DESI1: variants seen among roughly 807,000 people sequenced by gnomAD.
DESI1 encodes the protein PPPDE peptidase domain containing 2.
In DESI1, 17 loss-of-function variants were observed where a neutral mutation model predicts 22.4. The observed-to-expected ratio is 0.76, with a 90% confidence interval of 0.52 to 1.14. The LOEUF (loss-of-function observed/expected upper bound fraction) is 1.14. Among genes scored for constraint, DESI1 ranks in the 50% most tolerant of loss-of-function variants. The pLI is 0.00. For missense variants in DESI1, 177 were observed against 208.9 expected (o/e 0.85, Z 0.94); for synonymous variants, 92 against 84.2 (o/e 1.09, Z -0.51).
chr22:41,612,890 C>G (rs1181301952), intron 1 of DESI1, among the ~76,000 whole-genome samples: 1 of 151,756 alleles, frequency 6.6e-6, no homozygotes, highest in Non-Finnish European at 1.5e-5. Context: ...TTAAAGGAGG[C>G]AAGGGAAAGA....
chr22:41,611,737 C>T (rs911896043), intron 1 of DESI1, among the ~76,000 whole-genome samples: 6 of 151,586 alleles, frequency 4.0e-5, no homozygotes, highest in Non-Finnish European at 8.8e-5. Flanking sequence ...GGACTACAGG[C>T]GCTCACCACC....
intron 4 of DESI1, 142 bp downstream of exon 4, chr22:41,603,902 T>G (rs2067463553): frequency 4.5e-6 from 3 of 670,208 alleles, no homozygotes. Context: ...ATAACTGCCT[T>G]TTCTTCATGT....
At chr22:41,608,317 A>T (rs1476569621) in intron 1 of DESI1, among the ~76,000 whole-genome samples, 2 of 152,204 alleles carry the variant, frequency 1.3e-5, no homozygotes. Flanking sequence ...TATGTGCCAG[A>T]AACAATGTTA....
At chr22:41,612,402 G>A (rs748303085) in intron 1 of DESI1, among the ~76,000 whole-genome samples, 2 of 151,800 alleles carry the variant, frequency 1.3e-5, no homozygotes, top group Admixed American at 6.6e-5. Flanking sequence ...CTAGCTACTC[G>A]GGAGGCTGAG....
At chr22:41,614,342 T>C (rs1218153043) in intron 1 of DESI1, among the ~76,000 whole-genome samples, 1 of 152,124 alleles carries the variant, frequency 6.6e-6, no homozygotes, top group Non-Finnish European at 1.5e-5. Flanking sequence ...AGCCTGTTCA[T>C]TCTTTCACTT....
chr22:41,617,737 G>T (rs1357212560), intron 1 of DESI1, among the ~76,000 whole-genome samples: 3 of 152,262 alleles, frequency 2.0e-5, no homozygotes. Context: ...CCTCAGATCA[G>T]AATCTGATGT....
chr22:41,607,049 C>T (rs977403861), intron 3 of DESI1, among the ~76,000 whole-genome samples: 57 of 152,170 alleles, frequency 3.7e-4, no homozygotes, highest in African/African-American at 1.3e-3. Context: ...TTCACCATAA[C>T]ATGCTCTCTG....
At chr22:41,610,378 T>C (rs57501842) in intron 1 of DESI1, among the ~76,000 whole-genome samples, 6,128 of 145,490 alleles carry the variant, frequency 0.042, 267 homozygotes, top group African/African-American at 0.094. Flanking sequence ...TGAGACTCTG[T>C]CTCAAAAAAA....
chr22:41,604,428 G>A (rs1053353086), intron 3 of DESI1, among the ~76,000 whole-genome samples: 2 of 151,832 alleles, frequency 1.3e-5, no homozygotes, highest in Non-Finnish European at 1.5e-5. Flanking sequence ...TGTATTTTTA[G>A]TAGATACAGG....
chr22:41,607,723 A>G, intron 2 of DESI1, 117 bp downstream of exon 2: 1 of 1,224,400 alleles, frequency 8.2e-7, no homozygotes. Flanking sequence ...TAGGGCTTGA[A>G]GATTTATAGC....
rs1251714513 is a variant in DESI1, at chr22:41,603,341, A to T, written c.331T>A (p.Phe111Ile). 1.9e-6 allele frequency: 3 copies of T among 1,614,128 alleles called. No individual in the cohort carries two copies. The highest frequency in any genetic ancestry group is 2.5e-6 in the Non-Finnish European group (3 of 1,180,044). ...YNLFEHNCNT[F>I]SNEVAQFLTG... ...AGGAACTGTGCCACTTCGTTGCTGAAGGTGTTACAATTGTGTTCAAAGAGG... is the reference window on the plus strand; with the variant it reads ...AGGAACTGTGCCACTTCGTTGCTGATGGTGTTACAATTGTGTTCAAAGAGG... The change falls in exon 5 of 6, where the codon TTC (phenylalanine) becomes ATC (isoleucine). Residue 111 changes from phenylalanine (F) to isoleucine (I), a missense_variant. Coordinates refer to ENST00000263256, the MANE Select transcript of DESI1 (RefSeq NM_015704.3).
chr22:41,614,265 T>G (rs1350713137), intron 1 of DESI1, among the ~76,000 whole-genome samples: 1 of 152,086 alleles, frequency 6.6e-6, no homozygotes, highest in Non-Finnish European at 1.5e-5. Flanking sequence ...CTCAAACTCC[T>G]GACCTTGTGA....
At chr22:41,611,584 GTTCC>G (rs1423141530) in intron 1 of DESI1, among the ~76,000 whole-genome samples, 37 of 135,756 alleles carry the variant, frequency 2.7e-4, no homozygotes, top group African/African-American at 9.8e-4. Flanking sequence ...TCTCTTACCT[GTTCC>G]TTCTTTTTTT....
intron 1 of DESI1, among the ~76,000 whole-genome samples, chr22:41,610,352 A>T (rs910210332): frequency 1.3e-5 from 2 of 151,842 alleles, no homozygotes; most frequent in African/African-American, 4.8e-5. Flanking sequence ...ACTGTACTCC[A>T]GCCTGGGCAA....
intron 2 of DESI1, 65 bp downstream of exon 2, chr22:41,607,775 C>T (rs546606140): frequency 2.4e-4 from 380 of 1,588,086 alleles, no homozygotes; most frequent in South Asian, 1.6e-3. Flanking sequence ...AGACTAGAAC[C>T]TGAAATGCAT....
At chr22:41,606,409 C>T (rs886772752) in intron 3 of DESI1, among the ~76,000 whole-genome samples, 4 of 151,392 alleles carry the variant, frequency 2.6e-5, no homozygotes, top group African/African-American at 9.7e-5. Flanking sequence ...AACAAACACA[C>T]AACCAAAATG....
chr22:41,620,741 T>C lies in DESI1; in HGVS notation c.88+11A>G. The C allele has an allele frequency of 1.2e-6, 2 of 1,602,152 alleles. No homozygotes were observed. The highest frequency in any genetic ancestry group is 1.7e-6 in the Non-Finnish European group (2 of 1,174,722). ...CCCGCCCTCCTGCCCACCTGGCCCC[T>C]TCCCCCTCACCCAGCATGATGGGGC... On this transcript the variant is annotated intron_variant, in intron 1 of 5. Transcript: ENST00000263256.
intron 1 of DESI1, among the ~76,000 whole-genome samples, chr22:41,610,873 C>CA (rs132763): frequency 0.69 from 96,903 of 139,502 alleles, 34,450 homozygotes; most frequent in East Asian, 0.91. Flanking sequence ...AACTCTGTCT[C>CA]AAAAAAAAAA....
chr22:41,617,662 G>T (rs993712156), intron 1 of DESI1, among the ~76,000 whole-genome samples: 1 of 152,268 alleles, frequency 6.6e-6, no homozygotes, highest in East Asian at 1.9e-4. Context: ...TTTGCAAAAG[G>T]TATAAAAGCA....
Sources: gnomAD v4.1 joint callset for allele counts (sites outside exome capture counted in the v4.1 genomes callset) on GRCh38, gnomAD v4.1.1 for gene constraint, MANE v1.5 for transcripts, NCBI Gene and HGNC (gene_info 2026-07-23, HGNC 2026-07-21) for gene names.